The following WDR77 variants were observed in gnomAD, a reference collection of about 807,000 sequenced individuals.
WDR77 encodes methylosome protein WDR77.
WDR77 carries 31 observed loss-of-function variants against 44.0 expected under a neutral mutation model. The observed-to-expected ratio is 0.70, with a 90% CI of 0.53 to 0.95. The LOEUF is 0.95. WDR77 is among the 40% of genes least tolerant of loss of function. The probability of loss-of-function intolerance (pLI) is 0.00; values close to 1 mark genes in which losing one functional copy is unlikely to be tolerated. For synonymous variants in WDR77, 186 were observed against 165.7 expected, an observed-to-expected ratio of 1.12 and a Z score of -0.94; for missense variants, 390 against 423.9, an observed-to-expected ratio of 0.92 and a Z score of 0.70.
Position 111,443,912 on chromosome 1 carries a change from T to G in WDR77, c.574A>C (p.Ile192Leu). The part of the protein sequence containing the change: ...VFLSCSEDNR[I>L]LLWDTRCPKP... ...GGACAGCGGGTATCCCAGAGTAAAA[T>G]TCTATTGTCCTAGAGGAAGGTGGAA... is the stretch of plus-strand genomic sequence containing the variant. The change falls in exon 6 of 10, where the codon ATT becomes CTT. Residue 192 changes from isoleucine (I) to leucine (L), a missense_variant. Physicochemically the swap from Ile to Leu is conservative, Grantham distance 5. Coordinates refer to ENST00000235090, the MANE Select transcript of WDR77 (RefSeq NM_024102.4). The G allele has an allele frequency of 6.2e-7, 1 of 1,614,136 alleles. No individual in the cohort carries two copies. Among genetic ancestry groups the G allele is most frequent in the Non-Finnish European group, 8.5e-7 (1 of 1,180,030 alleles).
Position 111,441,091 on chromosome 1 carries a change from TGA to T in WDR77, c.*137_*138del, listed in dbSNP as rs1255781762. 5 of 967,202 alleles carry T rather than the reference TGA, an allele frequency of 5.2e-6. No homozygotes were observed. The highest frequency in any genetic ancestry group is 1.7e-5 in the African/African-American group (1 of 59,486). 59.9% of individuals were successfully genotyped at this position (967,202 alleles called of 1,614,324 possible). On this transcript the variant is annotated 3_prime_UTR_variant, in exon 10 of 10. Transcript: ENST00000235090. Reference sequence around the variant, plus strand: ...ACCCAGAATCCAGCCTCCCTCAGGCTGAGAGACGATGCCTATTAACGGCACAG... The same window carrying T: ...ACCCAGAATCCAGCCTCCCTCAGGCTGAGACGATGCCTATTAACGGCACAG...
rs759072859 is a variant in WDR77 at position 111,443,938 on chromosome 1, C to G, written c.565-17G>C. On this transcript the variant is annotated splice_polypyrimidine_tract_variant and intron_variant, in intron 5 of 9. Transcript: ENST00000235090. ...TCTATTGTCCTAGAGGAAGGTGGAA[C>G]AGAAAAAGGATTTCATAATCCAAAG... 1.2e-6 allele frequency: 2 copies of G among 1,614,104 alleles called. No homozygotes were observed. The highest frequency in any genetic ancestry group is 1.7e-6 in the Non-Finnish European group (2 of 1,180,014).
Position 111,441,302 on chromosome 1 carries a change from G to A in WDR77, c.957C>T (p.Asp319=). 1 of 1,587,100 alleles carries A rather than the reference G, an allele frequency of 6.3e-7. No homozygotes were observed. Among genetic ancestry groups the A allele is most frequent in the Non-Finnish European group, 8.6e-7 (1 of 1,164,568 alleles). Reference sequence around the variant, plus strand: ...GCACAACGTGGTGGACGACCTGATGGTCCCAGCCCACTGTGGTAAGCAGGG... The same window carrying A: ...GCACAACGTGGTGGACGACCTGATGATCCCAGCCCACTGTGGTAAGCAGGG... The part of the protein sequence containing the change: ...NHSLLTTVGW[D]HQVVHHVVPT... The change falls in exon 10 of 10, where the codon GAC becomes GAT. Residue 319 remains aspartate, a synonymous_variant. Coordinates refer to ENST00000235090, the MANE Select transcript of WDR77 (RefSeq NM_024102.4).
At position 111,447,529 on chromosome 1, in the gene WDR77, T is replaced by C; in HGVS notation, c.349A>G (p.Ser117Gly). The C allele has an allele frequency of 6.2e-7, 1 of 1,614,226 alleles. No homozygotes were observed. The highest frequency in any genetic ancestry group is 8.5e-7 in the Non-Finnish European group (1 of 1,180,038). ...ELDENETLIVSKFCKYEHDDI... is the reference protein window; with the variant it reads ...ELDENETLIVGKFCKYEHDDI... ...TCATGCTCATACTTGCAGAACTTGC[T>C]GACAATAAGTGTCTCATTCTCATCT... is the stretch of plus-strand genomic sequence containing the variant. Residue 117 changes from serine (S) to glycine (G), a missense_variant, in exon 3 of 10, where the codon AGC becomes GGC. Physicochemically the swap from Ser to Gly is moderately conservative, Grantham distance 56 (BLOSUM62 0). Coordinates refer to ENST00000235090, the MANE Select transcript of WDR77 (RefSeq NM_024102.4).
At position 111,443,359 on chromosome 1, in the gene WDR77, C is replaced by A; in HGVS notation, c.655G>T (p.Ala219Ser). 2 of 1,552,222 alleles carry A rather than the reference C, an allele frequency of 1.3e-6. No individual in the cohort carries two copies. The highest frequency in any genetic ancestry group is 1.7e-6 in the Non-Finnish European group (2 of 1,147,234). Residue 219 changes from alanine (A) to serine (S), a missense_variant, in exon 7 of 10, where the codon GCT becomes TCT. Coordinates refer to ENST00000235090, the MANE Select transcript of WDR77 (RefSeq NM_024102.4). Reference protein sequence around the residue: ...SAPGYLPTSLAWHPQQSEVFV... With the variant: ...SAPGYLPTSLSWHPQQSEVFV... ...ACTTCACTTTGCTGAGGATGCCAAG[C>A]CAGCGAGGTAGGAAGGTAGCCAGGC...
intron 4 of WDR77, among the ~76,000 whole-genome samples, 170 bp from the exon 5 acceptor site, chr1:111,444,294 T>C (rs948525714): frequency 6.6e-6 from 1 of 151,870 alleles, no homozygotes; most frequent in Non-Finnish European, 1.5e-5. Context: ...AGGAGAAGTT[T>C]ATAGACTTAT....
chr1:111,441,241 C>T lies in WDR77; in HGVS notation c.1018G>A (p.Val340Ile). ...GTCTTAAATCCAATCTACTCAGTAA[C>T]ACTTGCAGGTCCAGGGGCTGGGAGA... is the stretch of plus-strand genomic sequence containing the variant. Reference protein sequence around the residue: ...EPLPAPGPASVTE With the variant: ...EPLPAPGPASITE The change falls in exon 10 of 10, where the codon GTT becomes ATT. Residue 340 changes from valine to isoleucine, a missense_variant. By Grantham distance (29) the Val-to-Ile change is conservative (BLOSUM62 3). Coordinates refer to ENST00000235090, the MANE Select transcript of WDR77 (RefSeq NM_024102.4). 2 of 1,547,384 alleles carry T rather than the reference C, an allele frequency of 1.3e-6. No individual in the cohort carries two copies. Among genetic ancestry groups the T allele is most frequent in the Non-Finnish European group, 1.7e-6 (2 of 1,147,438 alleles).
rs574102197 is a variant in WDR77, at chr1:111,439,939, T to C, written c.*1291A>G. The C allele has an allele frequency of 7.2e-5, 11 of 152,754 alleles. No homozygotes were observed. The highest frequency in any genetic ancestry group is 1.5e-4 in the Non-Finnish European group (10 of 68,030). 9.5% of individuals were successfully genotyped at this position (152,754 alleles called of 1,614,324 possible). ...GGGTAATCATGTCAAGGGTGAAGCA[T>C]GGAAGCTTTACTGAGAAATATTTTG... On this transcript the variant is annotated 3_prime_UTR_variant, in exon 10 of 10. Coordinates refer to ENST00000235090, the MANE Select transcript of WDR77 (RefSeq NM_024102.4).
Position 111,440,223 on chromosome 1 carries a change from G to A in WDR77, c.*1007C>T, listed in dbSNP as rs1293587955. On this transcript the variant is annotated 3_prime_UTR_variant, in exon 10 of 10. Transcript: ENST00000235090. ...ACCAACACCATGATGACTCACATAAGTGAAATATATCTAACTACACATAAC... is the reference window on the plus strand; with the variant it reads ...ACCAACACCATGATGACTCACATAAATGAAATATATCTAACTACACATAAC... 6.6e-6 allele frequency: 1 copy of A among 152,182 alleles called. No individual in the cohort carries two copies. The highest frequency in any genetic ancestry group is 1.5e-5 in the Non-Finnish European group (1 of 68,042). 9.4% of individuals were successfully genotyped at this position (152,182 alleles called of 1,614,324 possible).
intron 8 of WDR77, 48 bp from the exon 9 acceptor site, chr1:111,442,141 G>A (rs752317163): frequency 6.3e-7 from 1 of 1,582,366 alleles, no homozygotes; most frequent in African/African-American, 1.3e-5. Flanking sequence ...TGGATCCCAA[G>A]ACAAAACCTT....
chr1:111,444,141 AAG>A lies in WDR77; in HGVS notation c.494-19_494-18del, dbSNP rs569871049. On this transcript the variant is annotated intron_variant, in intron 4 of 9. Coordinates refer to ENST00000235090, the MANE Select transcript of WDR77 (RefSeq NM_024102.4). ...CAGCATGAGCTATAAAGGAGAGAGA[AAG>A]AGAAATATGATAGAAAACAAGCTGA... 1.3e-4 allele frequency: 210 copies of A among 1,612,656 alleles called. 1 individual carries two copies. In the East Asian group the frequency reaches 2.7e-3, roughly 21 times the overall value.
intron 2 of WDR77, 131 bp downstream of exon 2, chr1:111,448,488 G>A: frequency 9.6e-7 from 1 of 1,045,440 alleles, no homozygotes; most frequent in East Asian, 2.4e-5. Flanking sequence ...TGCATTCGGG[G>A]CCAACACTCT....
Position 111,441,336 on chromosome 1 carries a change from A to G in WDR77, c.923T>C (p.Leu308Pro). 1 of 1,572,834 alleles carries G rather than the reference A, an allele frequency of 6.4e-7. No individual in the cohort carries two copies. The highest frequency in any genetic ancestry group is 1.2e-5 in the South Asian group (1 of 86,030). The stretch of plus-strand genomic sequence containing the variant: ...CACTGTGGTAAGCAGGGAGTGATTG[A>G]GCGGGGACCAAGTCGCATCTCTCAC... The part of the protein sequence containing the change: ...DFVRDATWSP[L>P]NHSLLTTVGW... Residue 308 changes from leucine to proline, a missense_variant, in exon 10 of 10, where the codon CTC becomes CCC. Transcript: ENST00000235090.
intron 9 of WDR77, chr1:111,441,694 CT>C: frequency 2.3e-6 from 2 of 853,158 alleles, no homozygotes; most frequent in Non-Finnish European, 3.2e-6. Context: ...CAGGTGCTGC[CT>C]TTTACCCTGT....
intron 9 of WDR77, 40 bp from the exon 10 acceptor site, chr1:111,441,429 G>T: frequency 6.9e-7 from 1 of 1,441,356 alleles, no homozygotes; most frequent in South Asian, 1.6e-5. Flanking sequence ...GTAGAGACAA[G>T]AAAAGCAGAC....
chr1:111,441,725 G>C lies in WDR77; in HGVS notation c.869+300C>G, dbSNP rs201411956. On this transcript the variant is annotated intron_variant, in intron 9 of 9. Coordinates refer to ENST00000235090, the MANE Select transcript of WDR77 (RefSeq NM_024102.4). ...CCCTGTAGCAGGCTGCATTTCATAC[G>C]CAGTTCTTTATGTGAGAGGGTAGAC... The C allele has an allele frequency of 4.0e-5, 27 of 671,776 alleles. 2 individuals carry two copies. The highest frequency in any genetic ancestry group is 2.9e-4 in the African/African-American group (16 of 55,386). 41.6% of individuals were successfully genotyped at this position (671,776 alleles called of 1,614,324 possible).
Position 111,441,141 on chromosome 1 carries a change from A to G in WDR77, c.*89T>C. On this transcript the variant is annotated 3_prime_UTR_variant, in exon 10 of 10. Transcript: ENST00000235090. Reference sequence around the variant, plus strand: ...CAGATCTAGCATATCAACATACTATAGAAGGCTCCTGTGTTGTCTCACAAG... The same window carrying G: ...CAGATCTAGCATATCAACATACTATGGAAGGCTCCTGTGTTGTCTCACAAG... The G allele has an allele frequency of 7.6e-6, 10 of 1,308,236 alleles. No individual in the cohort carries two copies. Among genetic ancestry groups the G allele is most frequent in the Non-Finnish European group, 1.0e-5 (10 of 998,070 alleles). 81.0% of individuals were successfully genotyped at this position (1,308,236 alleles called of 1,614,324 possible).
chr1:111,448,584 CG>C, intron 2 of WDR77, 34 bp downstream of exon 2: 1 of 1,613,586 alleles, frequency 6.2e-7, no homozygotes, highest in Non-Finnish European at 8.5e-7. Context: ...CCGTTCCACC[CG>C]GGGGTGGGGG....
In WDR77 at chr1:111,448,656, C is replaced by G; in HGVS notation, c.264G>C (p.Trp88Cys). Residue 88 changes from tryptophan (W) to cysteine (C), a missense_variant, in exon 2 of 10, where the codon TGG (tryptophan) becomes TGC (cysteine). Transcript: ENST00000235090. ...CCACTAGAATACCTCTCTCCCCAAC[C>G]CAAGTGAGGTCAGCCACTCCAGCCT... ...QTEAGVADLT[W>C]VGERGILVAS... The G allele has an allele frequency of 6.2e-7, 1 of 1,614,172 alleles. No individual in the cohort carries two copies. Among genetic ancestry groups the G allele is most frequent in the African/African-American group, 1.3e-5 (1 of 75,046 alleles).
Sources: gnomAD v4.1 joint callset for allele counts (sites outside exome capture counted in the v4.1 genomes callset) on GRCh38, gnomAD v4.1.1 for gene constraint, MANE v1.5 for transcripts, NCBI Gene and HGNC (gene_info 2026-07-23, HGNC 2026-07-21) for gene names.